TBC1D19: variants seen among roughly 807,000 people sequenced by gnomAD.
The protein encoded by TBC1D19 is TBC1 domain family member 19, also known as TBC1 domain family, member 19.
In TBC1D19, 60 loss-of-function variants were observed where a neutral mutation model predicts 89.0. The ratio of observed to expected loss-of-function variants is 0.67; its 90% CI spans 0.55 to 0.84. The LOEUF is 0.84. Ranked by LOEUF, TBC1D19 falls within the 40% of genes least tolerant of loss-of-function variation. TBC1D19 has a pLI of 0.00. For missense variants in TBC1D19, 500 were observed against 610.8 expected (o/e 0.82, Z 1.91); for synonymous variants, 189 against 199.7 (o/e 0.95, Z 0.45).
chr4:26,674,778 C>A (rs1283466928), intron 11 of TBC1D19, among the ~76,000 whole-genome samples: 1 of 151,766 alleles, frequency 6.6e-6, no homozygotes, highest in African/African-American at 2.4e-5. Flanking sequence ...CATAAATGAT[C>A]ACCATTAATA....
At chr4:26,750,637 C>T (rs944542908) in intron 19 of TBC1D19, among the ~76,000 whole-genome samples, 16 of 152,086 alleles carry the variant, frequency 1.1e-4, no homozygotes, top group African/African-American at 3.9e-4. Flanking sequence ...AAAAACGTTA[C>T]TGAAGAATAG....
At chr4:26,609,094 A>G (rs1741197785) in intron 1 of TBC1D19, among the ~76,000 whole-genome samples, 1 of 146,566 alleles carries the variant, frequency 6.8e-6, no homozygotes. Context: ...GCATTAGGAG[A>G]TATACCTAAT....
In TBC1D19 at chr4:26,637,194, T is replaced by A. The variant is rs1033902454; in HGVS notation, c.295-17T>A. 6 of 1,561,634 alleles carry A rather than the reference T, an allele frequency of 3.8e-6. No homozygotes were observed. In the African/African-American group the frequency reaches 8.2e-5, roughly 21 times the overall value. On this transcript the variant is annotated splice_polypyrimidine_tract_variant and intron_variant, in intron 4 of 20. Coordinates refer to ENST00000264866, the MANE Select transcript of TBC1D19 (RefSeq NM_018317.4). The stretch of plus-strand genomic sequence containing the variant: ...ATTGTTACTGGAAAAGATAATTGAT[T>A]GTTTTTTATGTTTCAGGGAAGTTGG...
the TBC1D19 span, among the ~76,000 whole-genome samples, chr4:26,814,929 G>A: frequency 6.6e-6 from 1 of 151,998 alleles, no homozygotes; most frequent in Non-Finnish European, 1.5e-5. Flanking sequence ...GGCTGAGGTG[G>A]GAGGATCACC....
chr4:26,806,795 CAG>C, the TBC1D19 span, among the ~76,000 whole-genome samples: 1 of 152,182 alleles, frequency 6.6e-6, no homozygotes, highest in Non-Finnish European at 1.5e-5. Context: ...GACTGAGACA[CAG>C]AGGGAAGAAA....
chr4:26,680,992 G>T (rs904850217), intron 11 of TBC1D19, among the ~76,000 whole-genome samples: 2 of 152,042 alleles, frequency 1.3e-5, no homozygotes, highest in African/African-American at 4.8e-5. Flanking sequence ...TAATCTAATA[G>T]AAAAATAGGT....
chr4:26,592,135 C>T (rs578093700), intron 1 of TBC1D19, among the ~76,000 whole-genome samples: 1 of 152,314 alleles, frequency 6.6e-6, no homozygotes, highest in African/African-American at 2.4e-5. Flanking sequence ...AAAAGCTTAT[C>T]CACCATGATA....
chr4:26,785,633 C>T, the TBC1D19 span, among the ~76,000 whole-genome samples: 2 of 152,170 alleles, frequency 1.3e-5, no homozygotes, highest in African/African-American at 4.8e-5. Flanking sequence ...AAAAAGAACT[C>T]AATCTGGATG....
chr4:26,799,262 T>C, the TBC1D19 span, among the ~76,000 whole-genome samples: 13 of 152,126 alleles, frequency 8.5e-5, no homozygotes, highest in African/African-American at 3.1e-4. Context: ...GAGGATCATT[T>C]GAGCCTGGGA....
intron 4 of TBC1D19, among the ~76,000 whole-genome samples, chr4:26,624,262 T>C (rs1389581781): frequency 6.6e-6 from 1 of 152,220 alleles, no homozygotes; most frequent in African/African-American, 2.4e-5. Flanking sequence ...TCTTCTCTGA[T>C]GTTATTATTG....
intron 7 of TBC1D19, among the ~76,000 whole-genome samples, chr4:26,649,775 A>G (rs975474751): frequency 1.3e-5 from 2 of 151,670 alleles, no homozygotes; most frequent in Non-Finnish European, 2.9e-5. Context: ...GGTTTGTTAC[A>G]TATGTATACA....
At chr4:26,849,270 T>A in the TBC1D19 span, among the ~76,000 whole-genome samples, 2 of 152,152 alleles carry the variant, frequency 1.3e-5, no homozygotes, top group African/African-American at 4.8e-5. Context: ...TATCTAATTA[T>A]TCACATGAAA....
At chr4:26,751,873 A>G (rs956783029) in intron 19 of TBC1D19, among the ~76,000 whole-genome samples, 5 of 152,228 alleles carry the variant, frequency 3.3e-5, no homozygotes, top group African/African-American at 4.8e-5. Flanking sequence ...CTGGAAAGCC[A>G]TTCTGATAGA....
At chr4:26,842,393 G>A in the TBC1D19 span, among the ~76,000 whole-genome samples, 1 of 122,650 alleles carries the variant, frequency 8.2e-6, no homozygotes, top group African/African-American at 3.2e-5. Flanking sequence ...CACCCAGGCT[G>A]GAGTGCAGTG....
intron 18 of TBC1D19, among the ~76,000 whole-genome samples, chr4:26,746,815 T>C (rs1718674629): frequency 6.6e-6 from 1 of 152,138 alleles, no homozygotes; most frequent in Non-Finnish European, 1.5e-5. Flanking sequence ...CAAGCATCAC[T>C]ACTCTTACTC....
the TBC1D19 span, among the ~76,000 whole-genome samples, chr4:26,769,213 A>C: frequency 2.0e-5 from 3 of 152,102 alleles, no homozygotes; most frequent in Non-Finnish European, 4.4e-5. Context: ...AAAAATGAAT[A>C]TGAAATAAAG....
At chr4:26,631,477 A>C (rs1742803991) in intron 4 of TBC1D19, among the ~76,000 whole-genome samples, 1 of 152,066 alleles carries the variant, frequency 6.6e-6, no homozygotes, top group Non-Finnish European at 1.5e-5. Flanking sequence ...TTGCTAAATC[A>C]ATGTATTTTC....
intron 18 of TBC1D19, among the ~76,000 whole-genome samples, chr4:26,746,710 A>G (rs1258150712): frequency 1.3e-5 from 2 of 152,150 alleles, no homozygotes; most frequent in Non-Finnish European, 2.9e-5. Flanking sequence ...GTTTTTCCCT[A>G]TATATGAATA....
At chr4:26,599,717 G>A (rs1195638510) in intron 1 of TBC1D19, among the ~76,000 whole-genome samples, 2 of 152,048 alleles carry the variant, frequency 1.3e-5, no homozygotes, top group Admixed American at 6.5e-5. Flanking sequence ...AGGCCAAGGC[G>A]GGCGGGTTGC....
Sources: allele counts gnomAD v4.1 joint callset (sites outside exome capture counted in the v4.1 genomes callset), GRCh38; gene constraint gnomAD v4.1.1; transcripts MANE v1.5; gene names NCBI Gene and HGNC (gene_info 2026-07-23, HGNC 2026-07-21).